ZNF23: variants seen among roughly 807,000 people sequenced by gnomAD.
ZNF23 encodes the protein kruppel-like zinc finger factor X31.
ZNF23 carries 48 observed loss-of-function variants against 56.2 expected under a neutral mutation model. The ratio of observed to expected loss-of-function variants is 0.85; its 90% confidence interval spans 0.68 to 1.09. ZNF23 has a LOEUF of 1.09. Among genes scored for constraint, ZNF23 ranks in the 50% least tolerant of loss-of-function variants. The probability of loss-of-function intolerance (pLI) is 0.00; values close to 1 mark genes in which losing one functional copy is unlikely to be tolerated. For missense variants in ZNF23, 805 were observed against 811.4 expected (o/e 0.99, Z 0.10); for synonymous variants, 266 against 283.3 (o/e 0.94, Z 0.61).
At chr16:71,453,417 T>G in intron 3 of ZNF23, 67 bp from the exon 4 acceptor site, 21 of 1,235,002 alleles carry the variant, frequency 1.7e-5, no homozygotes, top group South Asian at 2.6e-5. Flanking sequence ...CCTAAGCCTC[T>G]TCTCAGACTG....
chr16:71,448,364 T>C lies in ZNF23; in HGVS notation c.1790A>G (p.His597Arg). Residue 597 changes from histidine to arginine, a missense_variant, in exon 5 of 5, where the codon CAT becomes CGT. His to Arg is a conservative substitution (Grantham distance 29). Transcript: ENST00000647773. ...ACACTGAAAGGGTTTCTCTCCTGTA[T>C]GGATTCTCTGGTGCACAATATAGTT... The part of the protein sequence containing the change: ...SSNYIVHQRI[H>R]TGEKPFQCKE... 1.9e-6 allele frequency: 3 copies of C among 1,614,186 alleles called. No individual in the cohort carries two copies. The highest frequency in any genetic ancestry group is 2.5e-6 in the Non-Finnish European group (3 of 1,180,010).
chr16:71,455,193 T>G (rs2043183339), intron 2 of ZNF23, among the ~76,000 whole-genome samples: 1 of 152,202 alleles, frequency 6.6e-6, no homozygotes, highest in African/African-American at 2.4e-5. Context: ...GTCTTCACTG[T>G]GTGCCGCCAC....
chr16:71,448,118 C>G lies in ZNF23; in HGVS notation c.2036G>C (p.Ser679Thr). The change falls in exon 5 of 5, where the codon AGT (serine) becomes ACT (threonine). Residue 679 changes from serine (S) to threonine (T), a missense_variant. Physicochemically the swap from Ser to Thr is moderately conservative, Grantham distance 58. Coordinates refer to ENST00000647773, the MANE Select transcript of ZNF23 (RefSeq NM_001381984.1). ...RFSFQLSQHQ[S>T]VHSEGKS The stretch of plus-strand genomic sequence containing the variant: ...TTAGGATTTTCCTTCACTATGGACA[C>G]TCTGATGCTGACTGAGCTGGAAGCT... 1 of 1,611,122 alleles carries G rather than the reference C, an allele frequency of 6.2e-7. No homozygotes were observed. Among genetic ancestry groups the G allele is most frequent in the Non-Finnish European group, 8.5e-7 (1 of 1,178,784 alleles).
rs543416931 is a variant in ZNF23 at position 71,448,442 on chromosome 16, C to G, written c.1712G>C (p.Gly571Ala). ...TTCCATACATTTGAAAGGTTTCTCC[C>G]CAGTATGTATCCTCTGATGCCTAGT... is the stretch of plus-strand genomic sequence containing the variant. ...KLTRHQRIHT[G>A]EKPFKCMECE... is the part of the protein sequence containing the mutation. Residue 571 changes from glycine to alanine, a missense_variant, in exon 5 of 5, where the codon GGG becomes GCG. By Grantham distance (60) the Gly-to-Ala change is moderately conservative. Coordinates refer to ENST00000647773, the MANE Select transcript of ZNF23 (RefSeq NM_001381984.1). 1 of 1,614,194 alleles carries G rather than the reference C, an allele frequency of 6.2e-7. No homozygotes were observed. Among genetic ancestry groups the G allele is most frequent in the South Asian group, 1.1e-5 (1 of 91,086 alleles).
intron 3 of ZNF23, chr16:71,453,820 T>G (rs1208417288): frequency 3.4e-6 from 2 of 587,930 alleles, no homozygotes; most frequent in Non-Finnish European, 6.0e-6. Context: ...CTTTCATGGG[T>G]TGGATCAACA....
Position 71,453,351 on chromosome 16 carries a change from C to T in ZNF23, c.161-1G>A. 3 of 1,588,332 alleles carry T rather than the reference C, an allele frequency of 1.9e-6. No homozygotes were observed. Among genetic ancestry groups the T allele is most frequent in the African/African-American group, 1.3e-5 (1 of 74,458 alleles). On this transcript the variant is annotated splice_acceptor_variant, in intron 3 of 4. Coordinates refer to ENST00000647773, the MANE Select transcript of ZNF23 (RefSeq NM_001381984.1). LOFTEE classifies it high-confidence loss of function. ...ACAGCAGGTTTGAGAAGTGGAAATC[C>T]TGGTTTGGGAGAGGTAAATAGGAGA...
At chr16:71,449,994 G>T in intron 4 of ZNF23, 109 bp from the exon 5 acceptor site, 1 of 839,144 alleles carries the variant, frequency 1.2e-6, no homozygotes, top group East Asian at 2.8e-5. Context: ...AAAATCACCA[G>T]ACTAGGTCAA....
Position 71,448,813 on chromosome 16 carries a change from T to C in ZNF23, c.1341A>G (p.Lys447=), listed in dbSNP as rs749604168. 6.8e-6 allele frequency: 11 copies of C among 1,614,040 alleles called. No homozygotes were observed. In the African/African-American group the frequency reaches 1.5e-4, roughly 22 times the overall value. ...TTCTCTGGTGTTGGATTAACTTCCCTTTGACACTGAAGGCTTTTCCACATT... is the reference window on the plus strand; with the variant it reads ...TTCTCTGGTGTTGGATTAACTTCCCCTTGACACTGAAGGCTTTTCCACATT... The part of the protein sequence containing the change: ...CTECGKAFSV[K]GKLIQHQRIH... The change falls in exon 5 of 5, where the codon AAA becomes AAG. Residue 447 remains lysine, a synonymous_variant. Coordinates refer to ENST00000647773, the MANE Select transcript of ZNF23 (RefSeq NM_001381984.1).
chr16:71,452,172 T>C (rs1042191202), intron 4 of ZNF23: 4 of 152,230 alleles, frequency 2.6e-5, no homozygotes, highest in Non-Finnish European at 5.9e-5. Flanking sequence ...ACAGGGTCCT[T>C]TGATTAAGAC....
At chr16:71,459,409 C>CTCTG (rs1241993514) in intron 1 of ZNF23, among the ~76,000 whole-genome samples, 2 of 152,252 alleles carry the variant, frequency 1.3e-5, no homozygotes, top group Non-Finnish European at 2.9e-5. Context: ...GTTCTCCCAT[C>CTCTG]TCTGTTTCAC....
At position 71,449,007 on chromosome 16, in the gene ZNF23, C is replaced by G; in HGVS notation, c.1147G>C (p.Glu383Gln). The G allele has an allele frequency of 1.2e-6, 2 of 1,614,172 alleles. No individual in the cohort carries two copies. Among genetic ancestry groups the G allele is most frequent in the Non-Finnish European group, 1.7e-6 (2 of 1,180,028 alleles). ...CTGCACCTGAAGCCTTTTCCACATTCATTACATTCATAAGGTTTCTCTCCA... is the reference window on the plus strand; with the variant it reads ...CTGCACCTGAAGCCTTTTCCACATTGATTACATTCATAAGGTTTCTCTCCA... ...HTGEKPYECN[E>Q]CGKGFRCSSQ... is the part of the protein sequence containing the mutation. Residue 383 changes from glutamate to glutamine, a missense_variant, in exon 5 of 5, where the codon GAA (glutamate) becomes CAA (glutamine). Glu to Gln is a conservative substitution (Grantham distance 29). Coordinates refer to ENST00000647773, the MANE Select transcript of ZNF23 (RefSeq NM_001381984.1).
rs376669256 is a variant in ZNF23 at position 71,448,226 on chromosome 16, C to A, written c.1928G>T (p.Ser643Ile). 1.2e-6 allele frequency: 2 copies of A among 1,614,110 alleles called. No homozygotes were observed. Among genetic ancestry groups the A allele is most frequent in the Non-Finnish European group, 1.7e-6 (2 of 1,180,040 alleles). Residue 643 changes from serine to isoleucine, a missense_variant, in exon 5 of 5, where the codon AGT becomes ATT. Transcript: ENST00000647773. ...CVECGKGFSFSSDYIIHQTVH... is the reference protein window; with the variant it reads ...CVECGKGFSFISDYIIHQTVH... ...TGTCTGATGTATAATGTAGTCAGAA[C>A]TAAAGCTGAAGCCTTTGCCACATTC...
At position 71,449,332 on chromosome 16, in the gene ZNF23, T is replaced by C; in HGVS notation, c.822A>G (p.Lys274=). 3 of 1,614,134 alleles carry C rather than the reference T, an allele frequency of 1.9e-6. No homozygotes were observed. The highest frequency in any genetic ancestry group is 2.5e-6 in the Non-Finnish European group (3 of 1,179,998). Residue 274 remains lysine (K), a synonymous_variant, in exon 5 of 5, where the codon AAA becomes AAG. Coordinates refer to ENST00000647773, the MANE Select transcript of ZNF23 (RefSeq NM_001381984.1). ...EKPFKCVECG[K]SFSYSSHYIT... is the part of the protein sequence containing the mutation. ...TATAATGGGAACTGTAGCTGAAGCT[T>C]TTCCCACACTCCACACATTTGAAGG...
Position 71,449,519 on chromosome 16 carries a change from T to G in ZNF23, c.635A>C (p.Lys212Thr). 6.2e-7 allele frequency: 1 copy of G among 1,614,174 alleles called. No homozygotes were observed. The highest frequency in any genetic ancestry group is 8.5e-7 in the Non-Finnish European group (1 of 1,180,042). ...AAAGGGCTCTACTAATTCTTCACAT[T>G]TGAAAGGTCTTTCCTCAGAATTAAT... Reference protein sequence around the residue: ...EIINSEERPFKCEELVEPFRC... With the variant: ...EIINSEERPFTCEELVEPFRC... Residue 212 changes from lysine (K) to threonine (T), a missense_variant, in exon 5 of 5, where the codon AAA becomes ACA. Transcript: ENST00000647773.
chr16:71,453,223 GA>G lies in ZNF23; in HGVS notation c.268+19del. On this transcript the variant is annotated intron_variant, in intron 4 of 4. Transcript: ENST00000647773. ...AAAGTGCTAAATTCCAACAGAGTGG[GA>G]AATATGTACCTCCCTTACCAGTCTG... 1 of 1,575,784 alleles carries G rather than the reference GA, an allele frequency of 6.3e-7. No homozygotes were observed. The highest frequency in any genetic ancestry group is 8.7e-7 in the Non-Finnish European group (1 of 1,153,258).
intron 4 of ZNF23, chr16:71,450,158 A>G: frequency 3.7e-6 from 1 of 269,710 alleles, no homozygotes; most frequent in East Asian, 7.3e-5. Context: ...ATAGATTTTC[A>G]GCTGTGTAAA....
At chr16:71,453,947 G>T in intron 3 of ZNF23, 95 bp downstream of exon 3, 2 of 1,417,742 alleles carry the variant, frequency 1.4e-6, no homozygotes, top group Non-Finnish European at 2.0e-6. Context: ...ACTCAGTAAA[G>T]GATTACCAGA....
chr16:71,449,499 G>C lies in ZNF23; in HGVS notation c.655C>G (p.Pro219Ala). 1 of 1,614,118 alleles carries C rather than the reference G, an allele frequency of 6.2e-7. No homozygotes were observed. Residue 219 changes from proline (P) to alanine (A), a missense_variant, in exon 5 of 5, where the codon CCC (proline) becomes GCC (alanine). Pro to Ala is a conservative substitution (Grantham distance 27). Transcript: ENST00000647773. ...RPFKCEELVEPFRCDSQLIQH... is the reference protein window; with the variant it reads ...RPFKCEELVEAFRCDSQLIQH... ...ATAAGTTGAGAGTCACACCTAAAGG[G>C]CTCTACTAATTCTTCACATTTGAAA...
At chr16:71,457,951 C>T (rs28537877) in intron 1 of ZNF23, among the ~76,000 whole-genome samples, 1 of 152,080 alleles carries the variant, frequency 6.6e-6, no homozygotes, top group Non-Finnish European at 1.5e-5. Context: ...CCCAGGGAGG[C>T]AGCGCCTGGA....
Sources: gnomAD v4.1 joint callset for allele counts (sites outside exome capture counted in the v4.1 genomes callset) on GRCh38, gnomAD v4.1.1 for gene constraint, MANE v1.5 for transcripts, NCBI Gene and HGNC (gene_info 2026-07-23, HGNC 2026-07-21) for gene names.